Variants in CNST observed in about 807,000 individuals in gnomAD.
CNST encodes the protein consortin.
CNST carries 39 observed loss-of-function variants against 72.4 expected under a neutral mutation model. The ratio of observed to expected loss-of-function variants is 0.54; its 90% CI spans 0.42 to 0.70. The LOEUF (loss-of-function observed/expected upper bound fraction) is 0.70, where lower values mean the gene tolerates loss of function less well. Among genes scored for constraint, CNST ranks in the 30% least tolerant of loss-of-function variants. CNST has a pLI of 0.00. For synonymous variants in CNST, 332 were observed against 320.1 expected (o/e 1.04, Z -0.40); for missense variants, 871 against 868.5 (o/e 1.00, Z -0.04).
chr1:246,652,838 A>C (rs1030149591), intron 9 of CNST, among the ~76,000 whole-genome samples: 1 of 150,394 alleles, frequency 6.6e-6, no homozygotes, highest in Admixed American at 6.6e-5. Flanking sequence ...CCCCGTCTCT[A>C]CTAAAAATAC....
At position 246,615,170 on chromosome 1, in the gene CNST, C is replaced by CA. The variant is rs199887489; in HGVS notation, c.380-6249dup. Among the ~76,000 whole-genome samples the CA allele has an allele frequency of 3.6e-3, 545 of 150,696 alleles. 3 individuals carry two copies. Among genetic ancestry groups the CA allele is most frequent in the African/African-American group, 0.013 (519 of 41,192 alleles). On this transcript the variant is annotated intron_variant, in intron 2 of 10. Coordinates refer to ENST00000366513, the MANE Select transcript of CNST (RefSeq NM_152609.3). ...CCCAGTCTTTGGCCCATGGTTATTACAAAAAAAAAATTTTTTTTTCTTTGA... is the reference window on the plus strand; with the variant it reads ...CCCAGTCTTTGGCCCATGGTTATTACAAAAAAAAAAATTTTTTTTTCTTTGA...
intron 9 of CNST, among the ~76,000 whole-genome samples, chr1:246,659,555 A>C (rs182269246): frequency 2.0e-5 from 3 of 151,962 alleles, no homozygotes; most frequent in South Asian, 2.1e-4. Context: ...AGATCGCGCC[A>C]CTGCACTCCA....
chr1:246,612,846 C>T (rs1200088494), intron 2 of CNST, among the ~76,000 whole-genome samples: 1 of 152,148 alleles, frequency 6.6e-6, no homozygotes, highest in Non-Finnish European at 1.5e-5. Flanking sequence ...GATTGTACCA[C>T]TGCACTCCAG....
chr1:246,568,820 C>T (rs908495807), intron 1 of CNST, among the ~76,000 whole-genome samples: 1 of 152,232 alleles, frequency 6.6e-6, no homozygotes, highest in Non-Finnish European at 1.5e-5. Context: ...CCTCCGACCT[C>T]CACCTCTCAA....
At chr1:246,607,179 A>C (rs1390676756) in intron 2 of CNST, 4 of 151,630 alleles carry the variant, frequency 2.6e-5, no homozygotes, top group Non-Finnish European at 5.9e-5. Context: ...CGTCCCTCTT[A>C]CTGGGTTGGT....
chr1:246,592,000 C>T, intron 2 of CNST, 59 bp downstream of exon 2: 1 of 1,336,156 alleles, frequency 7.5e-7, no homozygotes, highest in Non-Finnish European at 1.0e-6. Context: ...AACCTCCTTC[C>T]CTCCCATACT....
At chr1:246,653,422 T>C (rs939628150) in intron 9 of CNST, among the ~76,000 whole-genome samples, 1 of 152,058 alleles carries the variant, frequency 6.6e-6, no homozygotes, top group Non-Finnish European at 1.5e-5. Flanking sequence ...CAAAAGAGGG[T>C]CTTAGAAACA....
At chr1:246,664,462 T>C (rs1218468318) in intron 10 of CNST, among the ~76,000 whole-genome samples, 1 of 151,540 alleles carries the variant, frequency 6.6e-6, no homozygotes, top group Non-Finnish European at 1.5e-5. Flanking sequence ...AGTCTCGCCC[T>C]GTGGCCCAGG....
intron 6 of CNST, among the ~76,000 whole-genome samples, chr1:246,635,012 C>T (rs575287304): frequency 3.3e-5 from 5 of 152,250 alleles, no homozygotes; most frequent in Admixed American, 6.5e-5. Context: ...GCTTCTGCTT[C>T]TCGCTGACGC....
chr1:246,598,149 ATTTT>A (rs56847805), intron 2 of CNST, among the ~76,000 whole-genome samples: 1 of 135,588 alleles, frequency 7.4e-6, no homozygotes. Context: ...GCTCAGCTGA[ATTTT>A]TTTTTTTTTT....
chr1:246,648,489 A>G (rs1296512862), intron 9 of CNST, among the ~76,000 whole-genome samples: 1 of 152,208 alleles, frequency 6.6e-6, no homozygotes, highest in African/African-American at 2.4e-5. Context: ...AATAGAGGGA[A>G]CATTTTAAAA....
At chr1:246,635,785 A>C (rs1665181768) in intron 6 of CNST, among the ~76,000 whole-genome samples, 1 of 152,236 alleles carries the variant, frequency 6.6e-6, no homozygotes, top group African/African-American at 2.4e-5. Context: ...TCCTCAGCCC[A>C]GGTGGCAGGA....
chr1:246,649,100 C>T (rs1666299423), intron 9 of CNST, among the ~76,000 whole-genome samples: 1 of 148,630 alleles, frequency 6.7e-6, no homozygotes, highest in African/African-American at 2.5e-5. Context: ...TATTCATTCT[C>T]TTATTTTAAC....
chr1:246,576,675 A>G (rs897490112), intron 1 of CNST, among the ~76,000 whole-genome samples: 3 of 151,570 alleles, frequency 2.0e-5, no homozygotes, highest in African/African-American at 7.3e-5. Context: ...TGTATTTTTA[A>G]TAGAGACGGG....
At chr1:246,642,829 G>GGATGATGA (rs1156462438) in intron 8 of CNST, among the ~76,000 whole-genome samples, 1 of 590 alleles carries the variant, frequency 1.7e-3, no homozygotes, top group African/African-American at 0.01. Context: ...GGTGATGATG[G>GGATGATGA]TGGTGATGGA....
At chr1:246,587,865 T>C (rs1464980285) in intron 1 of CNST, among the ~76,000 whole-genome samples, 1 of 152,254 alleles carries the variant, frequency 6.6e-6, no homozygotes, top group Non-Finnish European at 1.5e-5. Flanking sequence ...TCATTCACTT[T>C]ATCTGCCCCA....
intron 1 of CNST, chr1:246,569,924 G>T (rs901966714): frequency 7.1e-6 from 7 of 983,624 alleles, no homozygotes; most frequent in African/African-American, 1.7e-5. Context: ...CCTTCAAGAA[G>T]ATTGAACTTT....
intron 9 of CNST, among the ~76,000 whole-genome samples, chr1:246,653,578 A>C (rs1387787267): frequency 6.6e-6 from 1 of 152,236 alleles, no homozygotes; most frequent in African/African-American, 2.4e-5. Flanking sequence ...AGATATCTAA[A>C]GAGCGCCCAA....
intron 7 of CNST, 39 bp from the exon 8 acceptor site, chr1:246,641,902 T>A: frequency 6.6e-7 from 1 of 1,508,370 alleles, no homozygotes. Context: ...ATACAACAGT[T>A]TCCCCAAAAG....
Sources: gnomAD v4.1 joint callset for allele counts (sites outside exome capture counted in the v4.1 genomes callset) on GRCh38, gnomAD v4.1.1 for gene constraint, MANE v1.5 for transcripts, NCBI Gene and HGNC (gene_info 2026-07-23, HGNC 2026-07-21) for gene names.